SEC14L1: variants seen among roughly 807,000 people sequenced by gnomAD.
SEC14L1 encodes SEC14 like lipid binding 1.
A neutral mutation model predicts 85.3 loss-of-function variants in SEC14L1; 48 were observed. The observed-to-expected ratio is 0.56, with a 90% confidence interval of 0.45 to 0.72. The LOEUF (loss-of-function observed/expected upper bound fraction) is 0.72, where lower values mean the gene tolerates loss of function less well. SEC14L1 is among the 30% of genes least tolerant of loss of function. The probability of loss-of-function intolerance (pLI) is 0.00; values close to 1 mark genes in which losing one functional copy is unlikely to be tolerated. For missense variants in SEC14L1, 682 were observed against 921.4 expected, an observed-to-expected ratio of 0.74 and a Z score of 3.36; for synonymous variants, 391 against 355.5, an observed-to-expected ratio of 1.10 and a Z score of -1.12.
intron 3 of SEC14L1, among the ~76,000 whole-genome samples, chr17:77,118,771 A>C (rs1000017415): frequency 2.0e-5 from 3 of 152,212 alleles, no homozygotes; most frequent in African/African-American, 7.2e-5. Flanking sequence ...AGCTGCTGTC[A>C]ATCACCATCG....
intron 3 of SEC14L1, among the ~76,000 whole-genome samples, chr17:77,148,457 C>G (rs1284644238): frequency 1.3e-5 from 2 of 152,200 alleles, no homozygotes; most frequent in Non-Finnish European, 2.9e-5. Context: ...AGTGCCGTTT[C>G]TGTCTGGGCT....
At position 77,143,610 on chromosome 17, in the gene SEC14L1, A is replaced by C; in HGVS notation, c.14A>C (p.Tyr5Ser). The C allele has an allele frequency of 1.9e-6, 3 of 1,613,528 alleles. No individual in the cohort carries two copies. The highest frequency in any genetic ancestry group is 1.7e-6 in the Non-Finnish European group (2 of 1,179,570). The change falls in exon 3 of 17, where the codon TAC becomes TCC. Residue 5 changes from tyrosine (Y) to serine (S), a missense_variant. Tyr to Ser is a moderately radical substitution (Grantham distance 144, BLOSUM62 -2). This residue lies in a region of SEC14L1 where 139 missense variants were observed against 201.3 expected (regional missense o/e 0.69). Coordinates refer to ENST00000436233, the MANE Select transcript of SEC14L1 (RefSeq NM_001143998.2). MVQK[Y>S]QSPVRVYKYP... ...TGTATTGCAATCATGGTGCAGAAAT[A>C]CCAGTCCCCAGTGAGGGTGTACAAA... is the stretch of plus-strand genomic sequence containing the variant.
At chr17:77,129,816 C>A (rs966951530) in intron 3 of SEC14L1, among the ~76,000 whole-genome samples, 4 of 152,070 alleles carry the variant, frequency 2.6e-5, no homozygotes, top group African/African-American at 9.7e-5. Context: ...CCTGTTAGCG[C>A]GACATTCCTT....
At chr17:77,100,127 C>T (rs185970553) in intron 3 of SEC14L1, among the ~76,000 whole-genome samples, 1 of 152,360 alleles carries the variant, frequency 6.6e-6, no homozygotes, top group African/African-American at 2.4e-5. Context: ...GGGCGTGCTG[C>T]GCTGCTTCTC....
chr17:77,162,312 G>A (rs925767591), intron 3 of SEC14L1, among the ~76,000 whole-genome samples: 13 of 152,122 alleles, frequency 8.5e-5, no homozygotes, highest in Non-Finnish European at 1.6e-4. Flanking sequence ...TCCTTATTGT[G>A]GCTCAAGTAT....
intron 3 of SEC14L1, among the ~76,000 whole-genome samples, chr17:77,163,762 AC>A (rs1974170490): frequency 6.6e-6 from 1 of 151,790 alleles, no homozygotes; most frequent in African/African-American, 2.4e-5. Context: ...TTCTCATAAA[AC>A]CCCCAGCCTT....
Position 77,216,689 on chromosome 17 carries a change from C to A in SEC14L1, c.*2666C>A. On this transcript the variant is annotated 3_prime_UTR_variant, in exon 17 of 17. Coordinates refer to ENST00000436233, the MANE Select transcript of SEC14L1 (RefSeq NM_001143998.2). The stretch of plus-strand genomic sequence containing the variant: ...AAGATCTGTTCTTTTTAAGTTGATT[C>A]GGGAGTGGCATTCTTTTATACCCAA... 1 of 1,551,306 alleles carries A rather than the reference C, an allele frequency of 6.4e-7. No homozygotes were observed. The highest frequency in any genetic ancestry group is 8.8e-7 in the Non-Finnish European group (1 of 1,132,218).
At chr17:77,164,138 G>A (rs58745993) in intron 3 of SEC14L1, among the ~76,000 whole-genome samples, 2,611 of 152,338 alleles carry the variant, frequency 0.017, 88 homozygotes, top group African/African-American at 0.059. Flanking sequence ...TGGTTACTAA[G>A]TGATTGCCCT....
intron 3 of SEC14L1, among the ~76,000 whole-genome samples, chr17:77,184,898 T>C (rs909015278): frequency 1.3e-5 from 2 of 152,234 alleles, no homozygotes; most frequent in African/African-American, 4.8e-5. Context: ...TAGCTCATGC[T>C]GAAAAACTCA....
chr17:77,194,916 G>A lies in SEC14L1; in HGVS notation c.709+5G>A. 1 of 1,605,402 alleles carries A rather than the reference G, an allele frequency of 6.2e-7. No homozygotes were observed. Among genetic ancestry groups the A allele is most frequent in the East Asian group, 2.2e-5 (1 of 44,812 alleles). ...CCGTGGTGGGCACCCCTGACGGTGG[G>A]TCTGGCAGGGGCTTCATCCCGAGAG... On this transcript the variant is annotated splice_donor_5th_base_variant and intron_variant, in intron 7 of 16. Coordinates refer to ENST00000436233, the MANE Select transcript of SEC14L1 (RefSeq NM_001143998.2).
At chr17:77,170,838 C>T (rs992759574) in intron 3 of SEC14L1, among the ~76,000 whole-genome samples, 3 of 152,226 alleles carry the variant, frequency 2.0e-5, no homozygotes, top group African/African-American at 7.2e-5. Flanking sequence ...CCTTTAATAA[C>T]GAGGGCAGTG....
intron 2 of SEC14L1, chr17:77,090,021 GAA>G (rs111754962): frequency 2.4e-5 from 3 of 125,922 alleles, no homozygotes; most frequent in Admixed American, 8.5e-5. Flanking sequence ...AAAACTCCGA[GAA>G]AAAAAAAAAA....
intron 3 of SEC14L1, among the ~76,000 whole-genome samples, chr17:77,159,370 TTTC>T (rs1381736365): frequency 1.2e-4 from 17 of 141,494 alleles, no homozygotes; most frequent in Middle Eastern, 4.4e-3. Context: ...CCCGGCCTCT[TTTC>T]TTCTTCTTCT....
At chr17:77,163,220 G>C (rs1333400313) in intron 3 of SEC14L1, among the ~76,000 whole-genome samples, 1 of 152,110 alleles carries the variant, frequency 6.6e-6, no homozygotes, top group Non-Finnish European at 1.5e-5. Flanking sequence ...GACTTACCCT[G>C]TCACACCCAA....
At position 77,215,092 on chromosome 17, in the gene SEC14L1, G is replaced by C. The variant is rs1297471762; in HGVS notation, c.*1069G>C. The C allele has an allele frequency of 1.0e-6, 1 of 985,526 alleles. No homozygotes were observed. Among genetic ancestry groups the C allele is most frequent in the Non-Finnish European group, 1.2e-6 (1 of 830,088 alleles). 61.0% of individuals were successfully genotyped at this position (985,526 alleles called of 1,614,324 possible). ...GTGTGTGTGCATGTGCTGTGTGTGT[G>C]CATGTGTGCATGACGGTGGGGGTGC... On this transcript the variant is annotated 3_prime_UTR_variant, in exon 17 of 17. Transcript: ENST00000436233.
At chr17:77,140,253 G>A (rs1972937508), upstream of SEC14L1, among the ~76,000 whole-genome samples, 2 of 152,212 alleles carry the variant, frequency 1.3e-5, no homozygotes, top group Admixed American at 6.5e-5. Context: ...TCGTTTCCGA[G>A]GGGCAGGCCC....
intron 3 of SEC14L1, among the ~76,000 whole-genome samples, chr17:77,120,138 G>A (rs1330637705): frequency 6.6e-6 from 1 of 152,168 alleles, no homozygotes; most frequent in Non-Finnish European, 1.5e-5. Context: ...TTGGGAGGCT[G>A]AGGTGAGCAG....
intron 3 of SEC14L1, among the ~76,000 whole-genome samples, chr17:77,169,362 A>G (rs1974431137): frequency 6.6e-6 from 1 of 152,164 alleles, no homozygotes; most frequent in Non-Finnish European, 1.5e-5. Flanking sequence ...GGGGAATAGC[A>G]ATGAGAGAGT....
chr17:77,106,256 A>G (rs1971911669), intron 3 of SEC14L1, among the ~76,000 whole-genome samples: 1 of 152,046 alleles, frequency 6.6e-6, no homozygotes. Context: ...ATAGGAGGCC[A>G]GGTGTGGTGG....
Sources: gnomAD v4.1 joint callset for allele counts (sites outside exome capture counted in the v4.1 genomes callset) on GRCh38, gnomAD v4.1.1 for gene constraint, gnomAD v4.1.1 regional missense constraint, MANE v1.5 for transcripts, NCBI Gene and HGNC (gene_info 2026-07-23, HGNC 2026-07-21) for gene names.